The following LINGO2 variants were observed in gnomAD, a reference collection of about 807,000 sequenced individuals.
LINGO2 encodes leucine-rich repeat and immunoglobulin-like domain-containing nogo receptor-interacting protein 2.
Under a neutral mutation model 30.6 loss-of-function variants are expected in LINGO2, and 14 were observed. The ratio of observed to expected loss-of-function variants is 0.46; its 90% confidence interval spans 0.30 to 0.72. The LOEUF (loss-of-function observed/expected upper bound fraction) is 0.72. Among genes scored for constraint, LINGO2 ranks in the 30% least tolerant of loss-of-function variants. The probability of loss-of-function intolerance (pLI) is 0.07; values close to 1 mark genes in which losing one functional copy is unlikely to be tolerated. For missense variants in LINGO2, 729 were observed against 751.7 expected (o/e 0.97, Z 0.35); for synonymous variants, 317 against 288.5 (o/e 1.10, Z -1.00).
the LINGO2 span, among the ~76,000 whole-genome samples, chr9:29,043,971 AT>A: frequency 6.6e-6 from 1 of 152,044 alleles, no homozygotes; most frequent in Non-Finnish European, 1.5e-5. Context: ...GCCACTGTGT[AT>A]TTCTTTTGAC....
chr9:28,413,291 C>T (rs1822841941), intron 2 of LINGO2, among the ~76,000 whole-genome samples: 1 of 152,072 alleles, frequency 6.6e-6, no homozygotes, highest in East Asian at 1.9e-4. Context: ...TTTGGATATG[C>T]TAGGGTTTAT....
At chr9:28,431,177 T>C (rs1461305146) in intron 2 of LINGO2, among the ~76,000 whole-genome samples, 2 of 152,088 alleles carry the variant, frequency 1.3e-5, no homozygotes, top group Non-Finnish European at 2.9e-5. Flanking sequence ...TCTGGCCACA[T>C]TCAAGAAGTG....
intron 3 of LINGO2, among the ~76,000 whole-genome samples, chr9:28,333,929 C>A (rs934909325): frequency 6.6e-6 from 1 of 152,090 alleles, no homozygotes; most frequent in African/African-American, 2.4e-5. Flanking sequence ...TTTTGTCAGT[C>A]TGCTGTTTCA....
chr9:28,444,951 G>A (rs1824364051), intron 2 of LINGO2, among the ~76,000 whole-genome samples: 1 of 152,158 alleles, frequency 6.6e-6, no homozygotes, highest in Non-Finnish European at 1.5e-5. Flanking sequence ...GCCATACTCA[G>A]GCATAAGGTG....
chr9:28,094,653 A>G (rs1446645930), intron 4 of LINGO2, among the ~76,000 whole-genome samples: 1 of 152,138 alleles, frequency 6.6e-6, no homozygotes, highest in African/African-American at 2.4e-5. Context: ...AGGTGAACAT[A>G]GACTTTTTTT....
the LINGO2 span, among the ~76,000 whole-genome samples, chr9:29,073,038 C>T: frequency 6.6e-6 from 1 of 151,098 alleles, no homozygotes; most frequent in African/African-American, 2.4e-5. Flanking sequence ...TTGGCTAGAA[C>T]CCCCCTCCAA....
At chr9:28,747,494 C>G in the LINGO2 span, among the ~76,000 whole-genome samples, 2 of 152,054 alleles carry the variant, frequency 1.3e-5, no homozygotes, top group African/African-American at 2.4e-5. Context: ...CTGTGGATGA[C>G]AAAGCTGAAA....
At chr9:28,428,636 T>A (rs904026352) in intron 2 of LINGO2, among the ~76,000 whole-genome samples, 1 of 152,154 alleles carries the variant, frequency 6.6e-6, no homozygotes, top group East Asian at 1.9e-4. Flanking sequence ...ATCAGAGCAG[T>A]TGCTGCTATT....
At chr9:28,791,725 A>G in the LINGO2 span, among the ~76,000 whole-genome samples, 9 of 151,986 alleles carry the variant, frequency 5.9e-5, no homozygotes, top group Non-Finnish European at 1.3e-4. Context: ...GTTTTGATTA[A>G]TAAAAATTTT....
intron 2 of LINGO2, among the ~76,000 whole-genome samples, chr9:28,431,029 T>TGAGAGAAA (rs1647261708): frequency 7.7e-6 from 1 of 129,358 alleles, no homozygotes. Context: ...GCATGAGTGA[T>TGAGAGAAA]GAGAGAGAGA....
chr9:28,163,814 C>A (rs756946595), intron 4 of LINGO2, among the ~76,000 whole-genome samples: 1 of 152,122 alleles, frequency 6.6e-6, no homozygotes, highest in Non-Finnish European at 1.5e-5. Flanking sequence ...ATCCAACTTG[C>A]CTATTTACAG....
intron 2 of LINGO2, among the ~76,000 whole-genome samples, chr9:28,424,298 C>A (rs932036095): frequency 6.6e-6 from 1 of 152,134 alleles, no homozygotes; most frequent in African/African-American, 2.4e-5. Context: ...GCCTAGCCTG[C>A]AAGAGGCCTT....
At chr9:28,346,697 T>A (rs905760221) in intron 3 of LINGO2, among the ~76,000 whole-genome samples, 1 of 152,000 alleles carries the variant, frequency 6.6e-6, no homozygotes, top group Non-Finnish European at 1.5e-5. Flanking sequence ...CTCATCAGCA[T>A]GTTATTTTTG....
At chr9:28,354,010 G>A (rs559705003) in intron 3 of LINGO2, among the ~76,000 whole-genome samples, 3 of 152,284 alleles carry the variant, frequency 2.0e-5, no homozygotes, top group Non-Finnish European at 4.4e-5. Context: ...TTGTGGGGTG[G>A]GTGAGGGGGC....
rs1156717819 is a variant in LINGO2 at position 27,999,435 on chromosome 9, T to TGAGA, written c.-36+12919_-36+12920insTCTC. Among the ~76,000 whole-genome samples, 197 of 103,016 alleles carry TGAGA rather than the reference T, an allele frequency of 1.9e-3. 2 individuals are homozygous for TGAGA. Among genetic ancestry groups the TGAGA allele is most frequent in the African/African-American group, 6.7e-3 (175 of 26,292 alleles). 67.6% of individuals were successfully genotyped at this position (103,016 alleles called of 152,430 possible). A position where few individuals can be genotyped will look rare whatever the true frequency, so the allele number is the denominator to read the frequency against. On this transcript the variant is annotated intron_variant, in intron 5 of 5. Transcript: ENST00000379992. ...ACGACTTAATCACAGTGCCTAATCT[T>TGAGA]CAGAGAGAGAGAGAGAGAGAGAGAG...
intron 1 of LINGO2, among the ~76,000 whole-genome samples, chr9:28,575,707 A>C (rs1305581125): frequency 1.3e-5 from 2 of 152,150 alleles, no homozygotes; most frequent in African/African-American, 4.8e-5. Flanking sequence ...AAAAATTGAA[A>C]AAACAATTAC....
chr9:28,957,997 T>C, the LINGO2 span, among the ~76,000 whole-genome samples: 1 of 152,224 alleles, frequency 6.6e-6, no homozygotes, highest in Non-Finnish European at 1.5e-5. Flanking sequence ...ACATAAACTT[T>C]TTCAAAGTCA....
chr9:29,137,822 CA>C, the LINGO2 span, among the ~76,000 whole-genome samples: 6 of 152,140 alleles, frequency 3.9e-5, no homozygotes, highest in Admixed American at 3.9e-4. Flanking sequence ...GTGTTCTCAA[CA>C]TATTAGTTAT....
At chr9:28,937,854 G>A in the LINGO2 span, among the ~76,000 whole-genome samples, 1 of 152,044 alleles carries the variant, frequency 6.6e-6, no homozygotes, top group Non-Finnish European at 1.5e-5. Context: ...TAGGTAACAT[G>A]GGGGTTTGTT....
Sources: gnomAD v4.1 joint callset for allele counts (sites outside exome capture counted in the v4.1 genomes callset) on GRCh38, gnomAD v4.1.1 for gene constraint, MANE v1.5 for transcripts, NCBI Gene and HGNC (gene_info 2026-07-23, HGNC 2026-07-21) for gene names.